MGA: variants seen among roughly 807,000 people sequenced by gnomAD.
MGA encodes MAX dimerization protein MGA.
A neutral mutation model predicts 261.1 loss-of-function variants in MGA; 40 were observed. The observed-to-expected ratio is 0.15, with a 90% confidence interval of 0.12 to 0.20. MGA has a LOEUF of 0.20. Among genes scored for constraint, MGA ranks in the 10% least tolerant of loss-of-function variants. The pLI is 1.00. For missense variants in MGA, 3,397 were observed against 3,630.5 expected (o/e 0.94, Z 1.65); for synonymous variants, 1,302 against 1,290.6 (o/e 1.01, Z -0.19).
Position 41,766,997 on chromosome 15 carries a change from G to C in MGA, c.8915G>C (p.Gly2972Ala), listed in dbSNP as rs1348379934. 2 of 1,613,980 alleles carry C rather than the reference G, an allele frequency of 1.2e-6. No individual in the cohort carries two copies. The highest frequency in any genetic ancestry group is 1.7e-6 in the Non-Finnish European group (2 of 1,179,902). ...CCCCCCACCCTACACATGAAGACTGGCTTGGAGAACAGCAACAGCACAGAC... is the reference window on the plus strand; with the variant it reads ...CCCCCCACCCTACACATGAAGACTGCCTTGGAGAACAGCAACAGCACAGAC... The change falls in exon 24 of 24, where the codon GGC (glycine) becomes GCC (alanine). Residue 2972 changes from glycine (G) to alanine (A), a missense_variant. By Grantham distance (60) the Gly-to-Ala change is moderately conservative. Coordinates refer to ENST00000219905, the MANE Select transcript of MGA (RefSeq NM_001164273.2).
At chr15:41,696,053 C>T (rs763436450) in intron 2 of MGA, 22 bp from the exon 3 acceptor site, 2 of 1,513,332 alleles carry the variant, frequency 1.3e-6, no homozygotes, top group South Asian at 1.2e-5. Context: ...TTTTAAAATC[C>T]CTTTCTCCTC....
rs758275388 is a variant in MGA, at chr15:41,765,035, G to C, written c.7894G>C (p.Val2632Leu). Residue 2632 changes from valine to leucine, a missense_variant, in exon 23 of 24, where the codon GTT becomes CTT. Around this residue, in one of 9 missense-constraint regions of MGA, gnomAD observed 647 missense variants for 642.4 expected, o/e 1.01. Coordinates refer to ENST00000219905, the MANE Select transcript of MGA (RefSeq NM_001164273.2). ...CTTAGAATCTGATCTTAAGCCTCAA[G>C]TTGCCGGTAGTGCTGTGGCTCTACC... 20 of 1,613,912 alleles carry C rather than the reference G, an allele frequency of 1.2e-5. No homozygotes were observed. The East Asian group carries it at 4.5e-4, about 36-fold the overall frequency.
Position 41,749,215 on chromosome 15 carries a change from G to C in MGA, c.5608G>C (p.Ala1870Pro), listed in dbSNP as rs2062691548. 3.1e-6 allele frequency: 5 copies of C among 1,613,984 alleles called. No homozygotes were observed. In the East Asian group the frequency reaches 1.1e-4, roughly 36 times the overall value. Reference sequence around the variant, plus strand: ...CTCTGTCATGAATCCTGTAATTCAAGCTGTTGGGTCTTCTTCAGCAGTGAA... The same window carrying C: ...CTCTGTCATGAATCCTGTAATTCAACCTGTTGGGTCTTCTTCAGCAGTGAA... Residue 1870 changes from alanine to proline, a missense_variant, in exon 17 of 24, where the codon GCT (alanine) becomes CCT (proline). By Grantham distance (27) the Ala-to-Pro change is conservative (BLOSUM62 -1). This residue lies in a region of MGA where 1,410 missense variants were observed against 1,386.4 expected (regional missense o/e 1.02). Coordinates refer to ENST00000219905, the MANE Select transcript of MGA (RefSeq NM_001164273.2).
intron 17 of MGA, chr15:41,751,357 A>G (rs1306166838): frequency 1.3e-5 from 2 of 152,168 alleles, no homozygotes; most frequent in Admixed American, 1.3e-4. Context: ...GACTTTGCAG[A>G]GAGCTAGATG....
intron 1 of MGA, among the ~76,000 whole-genome samples, chr15:41,655,188 T>C: frequency 6.6e-6 from 1 of 150,588 alleles, no homozygotes; most frequent in Admixed American, 6.6e-5. Context: ...CTTTTTTTTT[T>C]TTTTTTTTGA....
At chr15:41,726,495 A>T (rs918638693) in intron 9 of MGA, among the ~76,000 whole-genome samples, 3 of 152,174 alleles carry the variant, frequency 2.0e-5, no homozygotes, top group African/African-American at 7.2e-5. Flanking sequence ...TGGGAGGCCA[A>T]GGTTGGGTGG....
intron 1 of MGA, among the ~76,000 whole-genome samples, chr15:41,629,061 G>C (rs371724439): frequency 1.4e-5 from 2 of 145,202 alleles, no homozygotes; most frequent in Non-Finnish European, 3.0e-5. Flanking sequence ...CATTGAAAAA[G>C]TGCCACTGCA....
intron 1 of MGA, among the ~76,000 whole-genome samples, chr15:41,651,933 C>T (rs1365294659): frequency 1.5e-5 from 1 of 67,560 alleles, no homozygotes; most frequent in Non-Finnish European, 3.1e-5. Flanking sequence ...TCCTCTCCCT[C>T]CCCCCGTCTC....
intron 1 of MGA, among the ~76,000 whole-genome samples, chr15:41,651,377 C>T (rs893934629): frequency 1.3e-5 from 2 of 152,170 alleles, no homozygotes; most frequent in East Asian, 3.8e-4. Flanking sequence ...GCCCTATCTC[C>T]AAATTCTGGA....
chr15:41,722,056 G>C (rs1002415237), intron 9 of MGA, among the ~76,000 whole-genome samples: 1 of 151,634 alleles, frequency 6.6e-6, no homozygotes, highest in African/African-American at 2.4e-5. Flanking sequence ...TAATGTTGAA[G>C]GGGAAAAACG....
chr15:41,708,912 T>G (rs77142256), intron 7 of MGA, among the ~76,000 whole-genome samples: 88 of 152,358 alleles, frequency 5.8e-4, no homozygotes, highest in Admixed American at 1.8e-3. Flanking sequence ...GTGCTTTTCC[T>G]TGTTCACTGC....
chr15:41,680,819 C>T (rs2058629522), intron 2 of MGA, among the ~76,000 whole-genome samples: 2 of 152,134 alleles, frequency 1.3e-5, no homozygotes, highest in Admixed American at 1.3e-4. Flanking sequence ...TTTGGGGGTT[C>T]ATTACATAGG....
At chr15:41,746,564 A>AG (rs2062494943) in intron 15 of MGA, among the ~76,000 whole-genome samples, 1 of 151,784 alleles carries the variant, frequency 6.6e-6, no homozygotes, top group Non-Finnish European at 1.5e-5. Context: ...AAAAAAAAAA[A>AG]AAAGGTAGAT....
At chr15:41,742,441 T>A in intron 14 of MGA, 105 bp from the exon 15 acceptor site, 1 of 1,337,948 alleles carries the variant, frequency 7.5e-7, no homozygotes, top group East Asian at 2.3e-5. Flanking sequence ...GTAGTACCTG[T>A]AAGAAATTGA....
chr15:41,673,462 C>T (rs2058187897), intron 2 of MGA, among the ~76,000 whole-genome samples: 2 of 151,602 alleles, frequency 1.3e-5, no homozygotes, highest in Admixed American at 6.6e-5. Flanking sequence ...AAGTGATCCT[C>T]CTGCCTCAGC....
rs145395878 is a variant in MGA at position 41,714,928 on chromosome 15, T to C, written c.3430+1432T>C. On this transcript the variant is annotated intron_variant, in intron 9 of 23. Coordinates refer to ENST00000219905, the MANE Select transcript of MGA (RefSeq NM_001164273.2). The stretch of plus-strand genomic sequence containing the variant: ...TTGACCATTTATCATAAACTTTTTT[T>C]CTGTAAATTGCCTTTTTGAATTCTT... 3.3e-3 allele frequency among the ~76,000 whole-genome samples: 501 copies of C among 152,312 alleles called. 7 individuals are homozygous for C. In the South Asian group the frequency reaches 0.034, roughly 10 times the overall value.
At chr15:41,638,418 T>C (rs1595553667) in intron 1 of MGA, among the ~76,000 whole-genome samples, 1 of 151,596 alleles carries the variant, frequency 6.6e-6, no homozygotes, top group East Asian at 1.9e-4. Flanking sequence ...CAGGCTGGAG[T>C]GCAGTGTCAT....
At chr15:41,706,783 A>G (rs1388150272) in intron 5 of MGA, among the ~76,000 whole-genome samples, 1 of 151,942 alleles carries the variant, frequency 6.6e-6, no homozygotes, top group Non-Finnish European at 1.5e-5. Flanking sequence ...CATGTTGGCC[A>G]GGCTGGTCTC....
chr15:41,753,411 T>G (rs913131556), intron 17 of MGA, among the ~76,000 whole-genome samples: 3 of 151,954 alleles, frequency 2.0e-5, no homozygotes, highest in Admixed American at 6.6e-5. Context: ...ACAGAAATGT[T>G]GCAAGCAAAT....
Sources: gnomAD v4.1 joint callset for allele counts (sites outside exome capture counted in the v4.1 genomes callset) on GRCh38, gnomAD v4.1.1 for gene constraint, gnomAD v4.1.1 regional missense constraint, MANE v1.5 for transcripts, NCBI Gene and HGNC (gene_info 2026-07-23, HGNC 2026-07-21) for gene names.